C2orf66: variants seen among roughly 807,000 people sequenced by gnomAD.
C2orf66 encodes the protein chromosome 2 open reading frame 66, also known as uncharacterized protein C2orf66.
C2orf66 carries 6 observed loss-of-function variants against 7.0 expected under a neutral mutation model. That is an observed-to-expected ratio of 0.86 (90% CI 0.47 to 1.69). The LOEUF (loss-of-function observed/expected upper bound fraction) is 1.69. C2orf66 is among the 40% of genes most tolerant of loss of function. The pLI, the probability that C2orf66 is intolerant of heterozygous loss-of-function variation, is 0.01. For synonymous variants in C2orf66, 38 were observed against 43.8 expected (o/e 0.87, Z 0.52); for missense variants, 107 against 112.0 (o/e 0.96, Z 0.20).
the C2orf66 span, among the ~76,000 whole-genome samples, chr2:196,830,658 C>T: frequency 1.4e-4 from 21 of 152,160 alleles, no homozygotes; most frequent in African/African-American, 4.8e-4. Context: ...ATGCTAGATG[C>T]CTGCTGTGTG....
the C2orf66 span, among the ~76,000 whole-genome samples, chr2:196,823,178 G>T: frequency 2.6e-5 from 4 of 152,182 alleles, no homozygotes; most frequent in Admixed American, 2.6e-4. Context: ...GCCGTAAAGA[G>T]CTAGACTCTT....
chr2:196,820,037 GA>G, the C2orf66 span, among the ~76,000 whole-genome samples: 1 of 152,198 alleles, frequency 6.6e-6, no homozygotes, highest in Non-Finnish European at 1.5e-5. Context: ...TTCTGGATTT[GA>G]GGGGGTGGGG....
chr2:196,809,449 A>G, upstream of C2orf66: 1 of 1,438,244 alleles, frequency 7.0e-7, no homozygotes, highest in Admixed American at 1.8e-5. Context: ...CAGACAAGGA[A>G]GGAGAAATAG....
upstream of C2orf66, among the ~76,000 whole-genome samples, chr2:196,811,749 G>A (rs1370460695): frequency 6.6e-6 from 1 of 152,140 alleles, no homozygotes; most frequent in East Asian, 1.9e-4. Flanking sequence ...ATGTAAATTT[G>A]GGAGTTGTTG....
chr2:196,830,389 A>C, the C2orf66 span, among the ~76,000 whole-genome samples: 1 of 152,170 alleles, frequency 6.6e-6, no homozygotes, highest in Non-Finnish European at 1.5e-5. Flanking sequence ...AGCCGTCCAA[A>C]CCCAAAGAAT....
At chr2:196,817,167 C>G in the C2orf66 span, among the ~76,000 whole-genome samples, 1 of 150,886 alleles carries the variant, frequency 6.6e-6, no homozygotes, top group African/African-American at 2.4e-5. Context: ...GATCACAAAG[C>G]AAAGGGCAAA....
At chr2:196,814,571 T>C in the C2orf66 span, among the ~76,000 whole-genome samples, 6 of 151,808 alleles carry the variant, frequency 4.0e-5, no homozygotes, top group East Asian at 1.2e-3. Flanking sequence ...TACAGTATAA[T>C]AAAAAACAAA....
Position 196,807,532 on chromosome 2 carries a change from G to A in C2orf66, c.214C>T (p.Pro72Ser), listed in dbSNP as rs1440597499. 2 of 1,613,286 alleles carry A rather than the reference G, an allele frequency of 1.2e-6. No homozygotes were observed. The highest frequency in any genetic ancestry group is 1.3e-5 in the African/African-American group (1 of 74,912). ...GTAAGTTCTGACTGGAAAGAGAGAG[G>A]TCTAGGATTTTCATTCGTGGGGAAA... ...NPFPTNENPR[P>S]LSFQSELTAS... Residue 72 changes from proline to serine, a missense_variant, in exon 2 of 3, where the codon CCT becomes TCT. Coordinates refer to ENST00000342506, the MANE Select transcript of C2orf66 (RefSeq NM_213608.3).
Position 196,805,226 on chromosome 2 carries a change from A to G in C2orf66, c.*202T>C, listed in dbSNP as rs938492060. The G allele has an allele frequency of 1.3e-5, 2 of 152,208 alleles. No individual in the cohort carries two copies. Among genetic ancestry groups the G allele is most frequent in the African/African-American group, 4.8e-5 (2 of 41,464 alleles). The allele number at this position is 152,208 out of a possible 1,614,324, so 9.4% of individuals were successfully genotyped here. On this transcript the variant is annotated 3_prime_UTR_variant, in exon 3 of 3. Transcript: ENST00000342506. Reference sequence around the variant, plus strand: ...TATGGTTTCATAGGAAAAAAACTCCATAAATATGCATAGAAATCATAGTTC... The same window carrying G: ...TATGGTTTCATAGGAAAAAAACTCCGTAAATATGCATAGAAATCATAGTTC...
intron 1 of C2orf66, among the ~76,000 whole-genome samples, chr2:196,807,955 C>G (rs1183188429): frequency 1.3e-5 from 2 of 152,210 alleles, no homozygotes; most frequent in Admixed American, 1.3e-4. Flanking sequence ...TAATAAGCAG[C>G]TCAGTATCTC....
upstream of C2orf66, among the ~76,000 whole-genome samples, chr2:196,813,236 A>G (rs1699892739): frequency 6.6e-6 from 1 of 152,186 alleles, no homozygotes; most frequent in Non-Finnish European, 1.5e-5. Flanking sequence ...AAATATATAG[A>G]CCAATGGAAC....
the C2orf66 span, among the ~76,000 whole-genome samples, chr2:196,821,862 A>T: frequency 6.7e-6 from 1 of 148,688 alleles, no homozygotes; most frequent in Non-Finnish European, 1.5e-5. Context: ...TTTGGGACAT[A>T]ATTGGGGAAA....
chr2:196,823,904 CAG>C, the C2orf66 span, among the ~76,000 whole-genome samples: 1 of 152,076 alleles, frequency 6.6e-6, no homozygotes, highest in Non-Finnish European at 1.5e-5. Flanking sequence ...GCCATTGACT[CAG>C]AGATACTTAG....
chr2:196,806,419 G>A (rs1389519234), intron 2 of C2orf66, among the ~76,000 whole-genome samples: 2 of 151,724 alleles, frequency 1.3e-5, no homozygotes, highest in African/African-American at 2.4e-5. Context: ...GGACGGTCTC[G>A]ATTTCCTGAT....
At chr2:196,829,863 C>G in the C2orf66 span, among the ~76,000 whole-genome samples, 9 of 151,658 alleles carry the variant, frequency 5.9e-5, no homozygotes, top group Non-Finnish European at 1.5e-5. Flanking sequence ...CGCCACTGCA[C>G]TCCAGCCTGG....
chr2:196,826,151 T>C, the C2orf66 span, among the ~76,000 whole-genome samples: 1 of 152,180 alleles, frequency 6.6e-6, no homozygotes, highest in Non-Finnish European at 1.5e-5. Flanking sequence ...AATTGAAAAT[T>C]ATAATTTAAT....
At chr2:196,815,078 C>T in the C2orf66 span, among the ~76,000 whole-genome samples, 1 of 152,160 alleles carries the variant, frequency 6.6e-6, no homozygotes, top group Non-Finnish European at 1.5e-5. Flanking sequence ...GATCCTTCCA[C>T]CCTAGCCTCC....
chr2:196,805,064 C>T lies in C2orf66; in HGVS notation c.*364G>A, dbSNP rs530701700. 8 of 151,904 alleles carry T rather than the reference C, an allele frequency of 5.3e-5. No individual in the cohort carries two copies. Among genetic ancestry groups the T allele is most frequent in the South Asian group, 4.2e-4 (2 of 4,792 alleles). The allele number at this position is 151,904 out of a possible 1,614,324, so 9.4% of individuals were successfully genotyped here. On this transcript the variant is annotated 3_prime_UTR_variant, in exon 3 of 3. Coordinates refer to ENST00000342506, the MANE Select transcript of C2orf66 (RefSeq NM_213608.3). Reference sequence around the variant, plus strand: ...TGTCCCTTTAAAAAAATATATTGGTCGATAAAAGATAATAAACATAAAAGA... The same window carrying T: ...TGTCCCTTTAAAAAAATATATTGGTTGATAAAAGATAATAAACATAAAAGA...
the C2orf66 span, among the ~76,000 whole-genome samples, chr2:196,829,991 A>C: frequency 5.9e-5 from 9 of 152,208 alleles, no homozygotes; most frequent in African/African-American, 2.2e-4. Context: ...GTAAACGTTC[A>C]TATATTTAGG....
Sources: gnomAD v4.1 joint callset for allele counts (sites outside exome capture counted in the v4.1 genomes callset) on GRCh38, gnomAD v4.1.1 for gene constraint, MANE v1.5 for transcripts, NCBI Gene and HGNC (gene_info 2026-07-23, HGNC 2026-07-21) for gene names.